The following GAN variants were observed in gnomAD, a reference collection of about 807,000 sequenced individuals.
The protein encoded by GAN is gigaxonin.
GAN carries 48 observed loss-of-function variants against 71.3 expected under a neutral mutation model. That is an observed-to-expected ratio of 0.67 (90% CI 0.53 to 0.86). GAN has a LOEUF of 0.86. Ranked by LOEUF, GAN falls within the 40% of genes least tolerant of loss-of-function variation. GAN has a pLI of 0.00. For missense variants in GAN, 928 were observed against 770.1 expected (o/e 1.21, Z -2.43); for synonymous variants, 386 against 276.8 (o/e 1.39, Z -3.92).
rs1032071868 is a variant in GAN, at chr16:81,383,026, C to T, written c.*5430C>T. 1.3e-5 allele frequency: 2 copies of T among 151,878 alleles called. No homozygotes were observed. The highest frequency in any genetic ancestry group is 4.8e-5 in the African/African-American group (2 of 41,372). 9.4% of individuals were successfully genotyped at this position (151,878 alleles called of 1,614,324 possible). A position where few individuals can be genotyped will look rare whatever the true frequency, so the allele number is the denominator to read the frequency against. On this transcript the variant is annotated 3_prime_UTR_variant, in exon 11 of 11. Transcript: ENST00000648994. ...ACTGGGTTTTGCTCTGTTGCCCAGG[C>T]TGATCTTAAACTCCTGGCCTCAGAT...
At position 81,388,627 on chromosome 16, in the gene GAN, C is replaced by G. The variant is rs1235305093; in HGVS notation, c.*11031C>G. The G allele has an allele frequency of 6.6e-6, 1 of 152,580 alleles. No individual in the cohort carries two copies. Among genetic ancestry groups the G allele is most frequent in the Non-Finnish European group, 1.5e-5 (1 of 68,318 alleles). 9.5% of individuals were successfully genotyped at this position (152,580 alleles called of 1,614,324 possible). A position where few individuals can be genotyped will look rare whatever the true frequency, so the allele number is the denominator to read the frequency against. ...CCTCAGCACCCAGTGCAGCCCCAGG[C>G]TCCCGGACGTGCTCGGCCCGGTGGC... is the stretch of plus-strand genomic sequence containing the variant. On this transcript the variant is annotated 3_prime_UTR_variant, in exon 11 of 11. Coordinates refer to ENST00000648994, the MANE Select transcript of GAN (RefSeq NM_022041.4).
Position 81,319,106 on chromosome 16 carries a change from G to A in GAN, c.167+3826G>A, listed in dbSNP as rs187440421. 3.9e-4 allele frequency among the ~76,000 whole-genome samples: 59 copies of A among 151,696 alleles called. No homozygotes were observed. In the East Asian group the frequency reaches 0.011, roughly 28 times the overall value. On this transcript the variant is annotated intron_variant, in intron 1 of 10. Transcript: ENST00000648994. The stretch of plus-strand genomic sequence containing the variant: ...TGAGGCGGGAGGATCCCTTGACCCC[G>A]GGAGTTCCAGGATGCAGTGAGCTAT...
In GAN at chr16:81,353,791, GA is replaced by G. The variant is rs112576202; in HGVS notation, c.283-604del. Among the ~76,000 whole-genome samples, 48 of 146,902 alleles carry G rather than the reference GA, an allele frequency of 3.3e-4. 1 individual carries two copies. The South Asian group carries it at 7.5e-3, about 23-fold the overall frequency. ...AAGGAAAAGTAGATGTTCATAATGA[GA>G]AAAAAAAAACACCCTTGTATTAGGG... On this transcript the variant is annotated intron_variant, in intron 2 of 10. Coordinates refer to ENST00000648994, the MANE Select transcript of GAN (RefSeq NM_022041.4).
At chr16:81,359,932 C>A (rs1910616931) in intron 5 of GAN, among the ~76,000 whole-genome samples, 1 of 152,118 alleles carries the variant, frequency 6.6e-6, no homozygotes, top group Admixed American at 6.5e-5. Flanking sequence ...CTGCAGTTGA[C>A]CATGGGTGAT....
chr16:81,355,248 G>A (rs1280794936), intron 3 of GAN, among the ~76,000 whole-genome samples: 1 of 152,200 alleles, frequency 6.6e-6, no homozygotes, highest in Non-Finnish European at 1.5e-5. Context: ...TGGAGTTTGT[G>A]TGGCAGTGCA....
At chr16:81,338,798 T>G (rs149245979) in intron 1 of GAN, among the ~76,000 whole-genome samples, 2 of 152,312 alleles carry the variant, frequency 1.3e-5, no homozygotes, top group African/African-American at 4.8e-5. Flanking sequence ...TGCTTCCGGA[T>G]AGATTTGAGT....
At chr16:81,351,855 A>G (rs956586165) in intron 2 of GAN, among the ~76,000 whole-genome samples, 158 bp downstream of exon 2, 2 of 152,134 alleles carry the variant, frequency 1.3e-5, no homozygotes, top group African/African-American at 4.8e-5. Flanking sequence ...ATGGCACCCC[A>G]TGTGTGTTCT....
chr16:81,370,357 G>T (rs1253453746), intron 9 of GAN, among the ~76,000 whole-genome samples: 1 of 152,162 alleles, frequency 6.6e-6, no homozygotes, highest in Non-Finnish European at 1.5e-5. Context: ...TTTCAGTCAT[G>T]GTCCAGTCAA....
At chr16:81,318,335 C>G (rs1909113048) in intron 1 of GAN, among the ~76,000 whole-genome samples, 1 of 152,042 alleles carries the variant, frequency 6.6e-6, no homozygotes, top group Non-Finnish European at 1.5e-5. Context: ...GTGTTGGTAA[C>G]TGTCATAAGT....
intron 1 of GAN, among the ~76,000 whole-genome samples, chr16:81,326,208 G>T (rs1046581221): frequency 6.6e-6 from 1 of 152,180 alleles, no homozygotes; most frequent in Non-Finnish European, 1.5e-5. Flanking sequence ...TCCGTAAGCA[G>T]AACTTTCATA....
At chr16:81,373,122 A>G (rs960157250) in intron 9 of GAN, among the ~76,000 whole-genome samples, 1 of 152,260 alleles carries the variant, frequency 6.6e-6, no homozygotes, top group Non-Finnish European at 1.5e-5. Context: ...GTCTAGGAAG[A>G]GTATTCATTG....
intron 8 of GAN, 34 bp from the exon 9 acceptor site, chr16:81,365,316 C>T (rs771877883): frequency 1.2e-6 from 2 of 1,613,338 alleles, no homozygotes; most frequent in Non-Finnish European, 1.7e-6. Context: ...CATTGTACAG[C>T]TTGTGCCTGA....
At chr16:81,362,716 C>T (rs1910718003) in intron 6 of GAN, 105 bp downstream of exon 6, 2 of 744,178 alleles carry the variant, frequency 2.7e-6, no homozygotes, top group African/African-American at 3.5e-5. Context: ...CCTTGTCAAG[C>T]CACCTGCCTC....
At chr16:81,358,373 A>G (rs1910560986) in intron 5 of GAN, among the ~76,000 whole-genome samples, 1 of 152,176 alleles carries the variant, frequency 6.6e-6, no homozygotes, top group South Asian at 2.1e-4. Context: ...CCCGCAGTTT[A>G]GGAGGCTAAA....
At chr16:81,360,949 C>T (rs576527875) in intron 5 of GAN, among the ~76,000 whole-genome samples, 4 of 152,226 alleles carry the variant, frequency 2.6e-5, no homozygotes, top group South Asian at 4.1e-4. Context: ...AGCAGCCGGG[C>T]GCAGTGGCTC....
intron 1 of GAN, among the ~76,000 whole-genome samples, chr16:81,333,891 C>T (rs1909668257): frequency 6.6e-6 from 1 of 152,178 alleles, no homozygotes; most frequent in Admixed American, 6.5e-5. Flanking sequence ...TTGTGCACGT[C>T]CACAATCCTG....
chr16:81,353,950 A>AT (rs1236755317), intron 2 of GAN, among the ~76,000 whole-genome samples: 1 of 152,198 alleles, frequency 6.6e-6, no homozygotes, highest in Non-Finnish European at 1.5e-5. Context: ...AGGGGTTAGC[A>AT]TTCAGGTTGG....
At chr16:81,343,950 A>C (rs918024728) in intron 1 of GAN, among the ~76,000 whole-genome samples, 2 of 152,206 alleles carry the variant, frequency 1.3e-5, no homozygotes, top group Non-Finnish European at 2.9e-5. Flanking sequence ...GTGCAAAATC[A>C]CAAGTGTTGC....
intron 1 of GAN, among the ~76,000 whole-genome samples, chr16:81,326,816 G>C (rs1429409111): frequency 6.6e-6 from 1 of 152,192 alleles, no homozygotes; most frequent in Non-Finnish European, 1.5e-5. Context: ...AAAAGCCACA[G>C]CAAAAATATG....
Sources: allele counts gnomAD v4.1 joint callset (sites outside exome capture counted in the v4.1 genomes callset), GRCh38; gene constraint gnomAD v4.1.1; transcripts MANE v1.5; gene names NCBI Gene and HGNC (gene_info 2026-07-23, HGNC 2026-07-21).